Variants in KCNJ6 observed in about 807,000 individuals in gnomAD.
KCNJ6 encodes the protein G protein-activated inward rectifier potassium channel 2.
KCNJ6 carries 9 observed loss-of-function variants against 34.2 expected under a neutral mutation model. That is an observed-to-expected ratio of 0.26 (90% CI 0.16 to 0.46). The LOEUF (loss-of-function observed/expected upper bound fraction) is 0.46. Among genes scored for constraint, KCNJ6 ranks in the 20% least tolerant of loss-of-function variants. KCNJ6 has a pLI of 1.00. For missense variants in KCNJ6, 236 were observed against 531.3 expected, an observed-to-expected ratio of 0.44 and a Z score of 5.46; for synonymous variants, 196 against 207.1, an observed-to-expected ratio of 0.95 and a Z score of 0.46.
intron 3 of KCNJ6, among the ~76,000 whole-genome samples, chr21:37,667,632 G>A (rs893423365): frequency 1.9e-4 from 15 of 79,552 alleles, no homozygotes; most frequent in Middle Eastern, 7.2e-3. Context: ...AGGCACCGGG[G>A]TAGCAGGTCC....
At chr21:37,794,762 C>T (rs1038827615) in intron 2 of KCNJ6, among the ~76,000 whole-genome samples, 2 of 151,888 alleles carry the variant, frequency 1.3e-5, no homozygotes, top group Non-Finnish European at 2.9e-5. Context: ...AACATTAGGA[C>T]AAATACCTAA....
intron 3 of KCNJ6, among the ~76,000 whole-genome samples, chr21:37,651,487 A>C (rs1326776942): frequency 2.0e-5 from 3 of 152,078 alleles, no homozygotes; most frequent in Non-Finnish European, 2.9e-5. Flanking sequence ...AGCAAGGAGG[A>C]GCCTTCCCAG....
At chr21:37,721,520 T>C (rs777112086) in intron 2 of KCNJ6, among the ~76,000 whole-genome samples, 1 of 152,254 alleles carries the variant, frequency 6.6e-6, no homozygotes, top group East Asian at 1.9e-4. Flanking sequence ...TGAATACAAC[T>C]GTTGCGTCAA....
intron 3 of KCNJ6, among the ~76,000 whole-genome samples, chr21:37,693,936 A>T (rs858007): frequency 0.27 from 30,806 of 112,878 alleles, 3,348 homozygotes; most frequent in East Asian, 0.44. Context: ...TTTTTTTTTT[A>T]AAAAAAACAA....
In KCNJ6 at chr21:37,622,842, G is replaced by A. The variant is rs985931635; in HGVS notation, c.*2317C>T. ...CAATGGAATTAAAAAGGCCCAGTGA[G>A]TCTTCAAGAGCTAAATTAGAAGACA... On this transcript the variant is annotated 3_prime_UTR_variant, in exon 4 of 4. Transcript: ENST00000609713. 3 of 152,218 alleles carry A rather than the reference G, an allele frequency of 2.0e-5. No individual in the cohort carries two copies. The highest frequency in any genetic ancestry group is 6.5e-5 in the Admixed American group (1 of 15,278). The allele number at this position is 152,218 out of a possible 1,614,324, so 9.4% of individuals were successfully genotyped here.
chr21:37,802,229 G>T (rs528917622), intron 2 of KCNJ6, among the ~76,000 whole-genome samples: 1 of 152,242 alleles, frequency 6.6e-6, no homozygotes, highest in Admixed American at 6.5e-5. Flanking sequence ...TTGCAGGGGG[G>T]AACACCCCAA....
chr21:37,828,942 C>CCCATTTGTTTGCATGG (rs1357236269), intron 2 of KCNJ6, among the ~76,000 whole-genome samples: 1 of 152,200 alleles, frequency 6.6e-6, no homozygotes, highest in Non-Finnish European at 1.5e-5. Flanking sequence ...GTTTGCAGGT[C>CCCATTTGTTTGCATGG]CCATTTGTTT....
chr21:37,777,887 G>A (rs1040116301), intron 2 of KCNJ6, among the ~76,000 whole-genome samples: 1 of 152,166 alleles, frequency 6.6e-6, no homozygotes, highest in Non-Finnish European at 1.5e-5. Context: ...GCAGGGAGCT[G>A]GGAACATCAC....
chr21:37,870,484 GTCCA>G (rs1234959820), intron 1 of KCNJ6, among the ~76,000 whole-genome samples: 2 of 152,118 alleles, frequency 1.3e-5, no homozygotes, highest in African/African-American at 4.8e-5. Flanking sequence ...AAAATAGCCA[GTCCA>G]TCAGGATGGA....
intron 1 of KCNJ6, among the ~76,000 whole-genome samples, chr21:37,859,258 T>C (rs2055580525): frequency 6.6e-6 from 1 of 151,772 alleles, no homozygotes; most frequent in South Asian, 2.1e-4. Context: ...GAATATATGG[T>C]AGTGTTCCAC....
chr21:37,649,073 CAG>C (rs2054419215), intron 3 of KCNJ6, among the ~76,000 whole-genome samples: 1 of 132,544 alleles, frequency 7.5e-6, no homozygotes, highest in African/African-American at 3.0e-5. Context: ...GTGGAGGCTG[CAG>C]AGTGCTGAGA....
chr21:37,912,165 A>G (rs1470635409), intron 1 of KCNJ6, among the ~76,000 whole-genome samples: 2 of 152,218 alleles, frequency 1.3e-5, no homozygotes, highest in Admixed American at 6.5e-5. Context: ...TTTTTAAAAT[A>G]GCAAAATGGA....
At chr21:37,635,169 CTTAAA>C (rs1275702032) in intron 3 of KCNJ6, among the ~76,000 whole-genome samples, 1 of 152,082 alleles carries the variant, frequency 6.6e-6, no homozygotes, top group African/African-American at 2.4e-5. Flanking sequence ...TGTTCTAGCT[CTTAAA>C]TTGAGTGGCC....
rs1184357886 is a variant in KCNJ6 at position 37,623,437 on chromosome 21, ATATT to A, written c.*1718_*1721del. On this transcript the variant is annotated 3_prime_UTR_variant, in exon 4 of 4. Transcript: ENST00000609713. ...AAATAAACTTGGATCCATTCAATGA[ATATT>A]TATGATGGGCAACTGTGTTAAAGAA... 1 of 152,246 alleles carries A rather than the reference ATATT, an allele frequency of 6.6e-6. No homozygotes were observed. The highest frequency in any genetic ancestry group is 1.5e-5 in the Non-Finnish European group (1 of 68,056). 9.4% of individuals were successfully genotyped at this position (152,246 alleles called of 1,614,324 possible).
At chr21:37,726,195 C>A (rs1382546339) in intron 2 of KCNJ6, among the ~76,000 whole-genome samples, 1 of 152,198 alleles carries the variant, frequency 6.6e-6, no homozygotes, top group Non-Finnish European at 1.5e-5. Context: ...TGTGAGCCAC[C>A]ACACCTGGCC....
rs1267147579 is a variant in KCNJ6, at chr21:37,621,163, C to G, written c.*3996G>C. ...TATATAGAGGACACTGAACTTTCAA[C>G]TACCTTCCTGACATTTTTAAATCAT... On this transcript the variant is annotated 3_prime_UTR_variant, in exon 4 of 4. Coordinates refer to ENST00000609713, the MANE Select transcript of KCNJ6 (RefSeq NM_002240.5). 1 of 152,224 alleles carries G rather than the reference C, an allele frequency of 6.6e-6. No homozygotes were observed. Among genetic ancestry groups the G allele is most frequent in the East Asian group, 1.9e-4 (1 of 5,204 alleles). The allele number at this position is 152,224 out of a possible 1,614,324, so 9.4% of individuals were successfully genotyped here.
At chr21:37,896,753 G>A (rs2055790351) in intron 1 of KCNJ6, among the ~76,000 whole-genome samples, 1 of 152,132 alleles carries the variant, frequency 6.6e-6, no homozygotes, top group African/African-American at 2.4e-5. Flanking sequence ...TCTGTCAGAG[G>A]AAGAGACAAG....
In KCNJ6 at chr21:37,674,764, G is replaced by C. The variant is rs574233150; in HGVS notation, c.946+39447C>G. Among the ~76,000 whole-genome samples, 78 of 151,932 alleles carry C rather than the reference G, an allele frequency of 5.1e-4. 2 individuals are homozygous for C. In the South Asian group the frequency reaches 0.016, roughly 31 times the overall value. ...CTTTCTGCACGTCTCACTCCGACAG[G>C]CTTACTTTCTGGTTTAGTCTTTCTC... is the stretch of plus-strand genomic sequence containing the variant. On this transcript the variant is annotated intron_variant, in intron 3 of 3. Transcript: ENST00000609713.
intron 3 of KCNJ6, among the ~76,000 whole-genome samples, chr21:37,702,978 G>A (rs767247581): frequency 2.6e-5 from 4 of 152,126 alleles, no homozygotes; most frequent in Non-Finnish European, 5.9e-5. Flanking sequence ...TGGTGGGAAG[G>A]GAAGCCCATT....
Sources: gnomAD v4.1 joint callset for allele counts (sites outside exome capture counted in the v4.1 genomes callset) on GRCh38, gnomAD v4.1.1 for gene constraint, MANE v1.5 for transcripts, NCBI Gene and HGNC (gene_info 2026-07-23, HGNC 2026-07-21) for gene names.